Variants in P4HA1 observed in about 807,000 individuals in gnomAD.
P4HA1 encodes prolyl 4-hydroxylase subunit alpha-1.
A neutral mutation model predicts 72.8 loss-of-function variants in P4HA1; 24 were observed. The observed-to-expected ratio is 0.33, with a 90% CI of 0.24 to 0.46. The LOEUF (loss-of-function observed/expected upper bound fraction) is 0.46, where lower values mean the gene tolerates loss of function less well. Ranked by LOEUF, P4HA1 falls within the 20% of genes least tolerant of loss-of-function variation. The pLI, the probability that P4HA1 is intolerant of heterozygous loss-of-function variation, is 1.00. For missense variants in P4HA1, 446 were observed against 640.6 expected, an observed-to-expected ratio of 0.70 and a Z score of 3.28; for synonymous variants, 201 against 218.8, an observed-to-expected ratio of 0.92 and a Z score of 0.72.
intron 1 of P4HA1, among the ~76,000 whole-genome samples, chr10:73,090,890 G>A (rs1353681328): frequency 2.6e-5 from 4 of 151,626 alleles, no homozygotes; most frequent in Admixed American, 6.6e-5. Flanking sequence ...GTGACACCCT[G>A]TCTCTACTAA....
Position 73,014,258 on chromosome 10 carries a change from C to G in P4HA1, c.1334G>C (p.Gly445Ala). ...KDEPDAFKEL[G>A]TGNRIATWLF... ...CCATGTAGCAATTCTATTTCCTGTC[C>G]CCAGCTCTTTGAAAGCATCTGGCTC... The change falls in exon 12 of 15, where the codon GGG (glycine) becomes GCG (alanine). Residue 445 changes from glycine to alanine, a missense_variant. Coordinates refer to ENST00000394890, the MANE Select transcript of P4HA1 (RefSeq NM_001017962.3). 2 of 1,613,220 alleles carry G rather than the reference C, an allele frequency of 1.2e-6. No individual in the cohort carries two copies. The highest frequency in any genetic ancestry group is 4.5e-5 in the East Asian group (2 of 44,854).
chr10:73,069,043 A>C, intron 4 of P4HA1, 60 bp from the exon 5 acceptor site: 1 of 1,230,162 alleles, frequency 8.1e-7, no homozygotes, highest in East Asian at 2.3e-5. Flanking sequence ...TCCCATAAAG[A>C]GACTTAATAA....
rs1841373864 is a variant in P4HA1, at chr10:73,064,311, C to CA, written c.463+4534dup. ...ATAACATGGCAAAACCCTGTCTCTACAAAAAATACAAAAATTAGCTGCTTG... is the reference window on the plus strand; with the variant it reads ...ATAACATGGCAAAACCCTGTCTCTACAAAAAAATACAAAAATTAGCTGCTTG... On this transcript the variant is annotated intron_variant, in intron 5 of 14. Transcript: ENST00000394890. 3.3e-5 allele frequency among the ~76,000 whole-genome samples: 5 copies of CA among 151,878 alleles called. No homozygotes were observed. The South Asian group carries it at 8.3e-4, about 25-fold the overall frequency.
chr10:73,080,620 G>GT (rs986107463), intron 1 of P4HA1, among the ~76,000 whole-genome samples: 4 of 152,040 alleles, frequency 2.6e-5, no homozygotes, highest in African/African-American at 4.8e-5. Context: ...TCAATCACAG[G>GT]TTTTTTTAAC....
At chr10:73,030,515 A>G (rs755700321) in intron 9 of P4HA1, 145 bp from the exon 10 acceptor site, 3 of 417,912 alleles carry the variant, frequency 7.2e-6, no homozygotes, top group Non-Finnish European at 1.3e-5. Context: ...GCTTAGTATC[A>G]TCTTTATTAA....
At chr10:73,018,119 G>A (rs1183244545) in intron 10 of P4HA1, among the ~76,000 whole-genome samples, 1 of 152,124 alleles carries the variant, frequency 6.6e-6, no homozygotes, top group Non-Finnish European at 1.5e-5. Flanking sequence ...AAGAGAGGTG[G>A]AACTGCTCTA....
intron 9 of P4HA1, among the ~76,000 whole-genome samples, chr10:73,037,567 ATATATTT>A (rs1391054879): frequency 2.0e-3 from 59 of 28,900 alleles, no homozygotes; most frequent in South Asian, 6.3e-3. Flanking sequence ...ATATATATAT[ATATATTT>A]TTTTTTTTTT....
intron 9 of P4HA1, among the ~76,000 whole-genome samples, chr10:73,039,853 CCTT>C (rs1840690349): frequency 1.4e-5 from 2 of 139,100 alleles, no homozygotes; most frequent in South Asian, 2.3e-4. Context: ...ACTGAGATGG[CCTT>C]TTTTTTTTTT....
At chr10:73,028,884 A>C (rs1369215040) in intron 10 of P4HA1, among the ~76,000 whole-genome samples, 1 of 150,764 alleles carries the variant, frequency 6.6e-6, no homozygotes, top group Non-Finnish European at 1.5e-5. Flanking sequence ...ATCTCTACTA[A>C]AAATACAAAA....
intron 9 of P4HA1, among the ~76,000 whole-genome samples, chr10:73,031,894 C>G (rs1840441263): frequency 3.3e-5 from 5 of 152,210 alleles, no homozygotes; most frequent in Admixed American, 3.3e-4. Context: ...CACTTCTCCT[C>G]TCACTGAGCT....
At position 73,051,077 on chromosome 10, in the gene P4HA1, C is replaced by T; in HGVS notation, c.876G>A (p.Leu292=). ...YLPERQKYEM[L]CRGEGIKMTP... ...CCATTTTGATACCCTCCCCACGGCA[C>T]AGCATTTCGTACTTCTGTCTCTCTG... Residue 292 remains leucine, a synonymous_variant, in exon 7 of 15, where the codon CTG becomes CTA. Transcript: ENST00000394890. The T allele has an allele frequency of 6.2e-7, 1 of 1,614,018 alleles. No individual in the cohort carries two copies. Among genetic ancestry groups the T allele is most frequent in the Non-Finnish European group, 8.5e-7 (1 of 1,179,960 alleles).
intron 1 of P4HA1, among the ~76,000 whole-genome samples, chr10:73,081,585 A>T (rs1195158841): frequency 6.6e-6 from 1 of 152,178 alleles, no homozygotes; most frequent in Non-Finnish European, 1.5e-5. Context: ...ATTCCAGGGA[A>T]GTCCAGTCCC....
rs549763957 is a variant in P4HA1, at chr10:73,082,497, A to C, written c.-32-7582T>G. 6 of 152,178 alleles carry C rather than the reference A, an allele frequency of 3.9e-5. No individual in the cohort carries two copies. The East Asian group carries it at 7.7e-4, about 19-fold the overall frequency. The allele number at this position is 152,178 out of a possible 1,614,324, so 9.4% of individuals were successfully genotyped here. The stretch of plus-strand genomic sequence containing the variant: ...AGAGTGCTTGATATTCTCTTTTTTT[A>C]AGCTAGTCAAGTAAAGCAATGGGAG... On this transcript the variant is annotated intron_variant, in intron 1 of 14. Coordinates refer to ENST00000394890, the MANE Select transcript of P4HA1 (RefSeq NM_001017962.3).
intron 7 of P4HA1, among the ~76,000 whole-genome samples, chr10:73,049,431 A>G (rs1202138714): frequency 6.6e-6 from 1 of 152,258 alleles, no homozygotes; most frequent in Non-Finnish European, 1.5e-5. Context: ...ATACCACATG[A>G]AATTCCTTTT....
At chr10:73,013,493 G>A (rs1041018158) in intron 12 of P4HA1, among the ~76,000 whole-genome samples, 7 of 152,134 alleles carry the variant, frequency 4.6e-5, no homozygotes, top group Non-Finnish European at 1.0e-4. Flanking sequence ...GGCATTTGAC[G>A]GCAAATACAT....
Position 73,068,974 on chromosome 10 carries a change from G to A in P4HA1, c.335C>T (p.Ser112Phe). 1 of 1,611,066 alleles carries A rather than the reference G, an allele frequency of 6.2e-7. No individual in the cohort carries two copies. The highest frequency in any genetic ancestry group is 8.5e-7 in the Non-Finnish European group (1 of 1,177,860). ...VLKDMSDGFISNLTIQRQYFP... is the reference protein window; with the variant it reads ...VLKDMSDGFIFNLTIQRQYFP... ...GTACTGTCTCTGAATGGTTAGGTTA[G>A]AGATAAAGCCTTGAAATAGATAAAT... The change falls in exon 5 of 15, where the codon TCT (serine) becomes TTT (phenylalanine). Residue 112 changes from serine (S) to phenylalanine (F), a missense_variant. Physicochemically the swap from Ser to Phe is radical, Grantham distance 155 (BLOSUM62 -2). Transcript: ENST00000394890.
At chr10:73,073,170 A>AC in intron 3 of P4HA1, among the ~76,000 whole-genome samples, 1 of 98,710 alleles carries the variant, frequency 1.0e-5, no homozygotes, top group Admixed American at 9.2e-5. Context: ...ACTCTGTCAC[A>AC]AAAAAAAAAA....
chr10:73,047,244 A>G (rs1840887742), intron 7 of P4HA1, 143 bp from the exon 8 acceptor site: 1 of 653,102 alleles, frequency 1.5e-6, no homozygotes, highest in African/African-American at 1.8e-5. Context: ...AGTACTCTGC[A>G]AATATTTTGC....
intron 9 of P4HA1, among the ~76,000 whole-genome samples, chr10:73,037,550 TATATATATATATATATATATA>T (rs1564624855): frequency 1.2e-3 from 36 of 30,446 alleles, no homozygotes; most frequent in South Asian, 3.3e-3. Context: ...TATATATATA[TATATATATATATATATATATA>T]TTTTTTTTTT....
Sources: gnomAD v4.1 joint callset for allele counts (sites outside exome capture counted in the v4.1 genomes callset) on GRCh38, gnomAD v4.1.1 for gene constraint, MANE v1.5 for transcripts, NCBI Gene and HGNC (gene_info 2026-07-23, HGNC 2026-07-21) for gene names.